AGO3: variants seen among roughly 807,000 people sequenced by gnomAD.
AGO3 encodes argonaute RISC catalytic component 3, also known as protein argonaute-3.
Under a neutral mutation model 105.5 loss-of-function variants are expected in AGO3, and 16 were observed. The ratio of observed to expected loss-of-function variants is 0.15; its 90% CI spans 0.10 to 0.23. The LOEUF is 0.23. AGO3 is among the 10% of genes least tolerant of loss of function. The probability of loss-of-function intolerance (pLI) is 1.00; values close to 1 mark genes in which losing one functional copy is unlikely to be tolerated. For synonymous variants in AGO3, 340 were observed against 367.3 expected, an observed-to-expected ratio of 0.93 and a Z score of 0.85; for missense variants, 534 against 1,088.0, an observed-to-expected ratio of 0.49 and a Z score of 7.16.
At chr1:36,052,735 A>G (rs979753966) in intron 17 of AGO3, among the ~76,000 whole-genome samples, 10 of 152,138 alleles carry the variant, frequency 6.6e-5, no homozygotes, top group Admixed American at 2.0e-4. Flanking sequence ...TAAAACCTAT[A>G]TATATCAGGC....
intron 2 of AGO3, among the ~76,000 whole-genome samples, chr1:35,966,091 C>T (rs182098147): frequency 1.5e-3 from 230 of 152,300 alleles, no homozygotes; most frequent in Non-Finnish European, 2.6e-3. Flanking sequence ...TCCCAAAGTG[C>T]TGGGATTACA....
At chr1:35,943,901 T>C (rs959156104) in intron 1 of AGO3, among the ~76,000 whole-genome samples, 2 of 152,270 alleles carry the variant, frequency 1.3e-5, no homozygotes, top group Admixed American at 1.3e-4. Flanking sequence ...ATGCCCGGCC[T>C]GTCTTATTTC....
rs1643023714 is a variant in AGO3, at chr1:36,061,264, T to G, written c.*5519T>G. 1 of 152,154 alleles carries G rather than the reference T, an allele frequency of 6.6e-6. No homozygotes were observed. Among genetic ancestry groups the G allele is most frequent in the South Asian group, 2.1e-4 (1 of 4,830 alleles). 9.4% of individuals were successfully genotyped at this position (152,154 alleles called of 1,614,324 possible). On this transcript the variant is annotated 3_prime_UTR_variant, in exon 19 of 19. Transcript: ENST00000373191. ...CAAAGGGAAAAATTATTTTGACTTT[T>G]TTCCTACTTTTAAAATGGTACATTT...
At chr1:35,995,889 G>T (rs1266322199) in intron 5 of AGO3, among the ~76,000 whole-genome samples, 2 of 152,130 alleles carry the variant, frequency 1.3e-5, no homozygotes, top group Non-Finnish European at 2.9e-5. Context: ...TGTTGGCCAG[G>T]CTGGTCTCGA....
rs1643150197 is a variant in AGO3, at chr1:36,070,651, TG to T, written c.*14909del. The T allele has an allele frequency of 6.6e-6, 1 of 152,216 alleles. No individual in the cohort carries two copies. The highest frequency in any genetic ancestry group is 2.1e-4 in the South Asian group (1 of 4,832). 9.4% of individuals were successfully genotyped at this position (152,216 alleles called of 1,614,324 possible). Reference sequence around the variant, plus strand: ...CCAACCTCCCCTTGTTGCAGGCAGTTGGGCTTTTCCAACTCATTGCTAACAA... The same window carrying T: ...CCAACCTCCCCTTGTTGCAGGCAGTTGGCTTTTCCAACTCATTGCTAACAA... On this transcript the variant is annotated 3_prime_UTR_variant, in exon 19 of 19. Coordinates refer to ENST00000373191, the MANE Select transcript of AGO3 (RefSeq NM_024852.4).
intron 5 of AGO3, among the ~76,000 whole-genome samples, chr1:35,979,509 A>G (rs1046974867): frequency 6.6e-6 from 1 of 152,206 alleles, no homozygotes. Flanking sequence ...TGAAATATCC[A>G]TCAGAGCTAC....
At chr1:35,969,422 G>T (rs1646828743) in intron 3 of AGO3, among the ~76,000 whole-genome samples, 1 of 152,086 alleles carries the variant, frequency 6.6e-6, no homozygotes, top group Non-Finnish European at 1.5e-5. Context: ...CTTGGCAATT[G>T]ATTATTCTTG....
intron 11 of AGO3, among the ~76,000 whole-genome samples, chr1:36,014,666 G>A (rs1343959371): frequency 1.3e-5 from 2 of 151,078 alleles, no homozygotes; most frequent in African/African-American, 4.9e-5. Context: ...AGTTACTCGG[G>A]AGGCTGAAGC....
At chr1:36,028,092 A>C (rs952926989) in intron 12 of AGO3, among the ~76,000 whole-genome samples, 2 of 152,092 alleles carry the variant, frequency 1.3e-5, no homozygotes, top group African/African-American at 4.8e-5. Context: ...TTCAGGCTGG[A>C]GTGCAGTGGT....
At chr1:35,995,125 C>G (rs369479583) in intron 5 of AGO3, among the ~76,000 whole-genome samples, 1 of 150,162 alleles carries the variant, frequency 6.7e-6, no homozygotes, top group African/African-American at 2.5e-5. Flanking sequence ...TGCTTGAACC[C>G]GGGAAGCAGA....
At chr1:36,028,637 G>T (rs1438046602) in intron 12 of AGO3, among the ~76,000 whole-genome samples, 1 of 151,644 alleles carries the variant, frequency 6.6e-6, no homozygotes, top group Admixed American at 6.6e-5. Flanking sequence ...TCTTAATCCA[G>T]TCTATCATTG....
intron 17 of AGO3, among the ~76,000 whole-genome samples, chr1:36,051,186 C>T (rs1468988650): frequency 3.3e-5 from 5 of 152,142 alleles, no homozygotes; most frequent in South Asian, 2.1e-4. Context: ...CCGCCTGCCT[C>T]GGCCTCCCAA....
intron 1 of AGO3, among the ~76,000 whole-genome samples, chr1:35,943,301 CTT>C (rs533801617): frequency 1.1e-4 from 14 of 124,356 alleles, no homozygotes; most frequent in East Asian, 2.3e-4. Context: ...CCATGCCCAT[CTT>C]TTTTTTTTTT....
At chr1:36,035,650 A>G (rs1162234147) in intron 13 of AGO3, among the ~76,000 whole-genome samples, 1 of 152,134 alleles carries the variant, frequency 6.6e-6, no homozygotes, top group Non-Finnish European at 1.5e-5. Context: ...TTTTGTGCCC[A>G]TGTTGGAGAA....
chr1:35,993,270 GAAAT>G lies in AGO3; in HGVS notation c.659-11068_659-11065del. On this transcript the variant is annotated intron_variant, in intron 5 of 18. Coordinates refer to ENST00000373191, the MANE Select transcript of AGO3 (RefSeq NM_024852.4). Reference sequence around the variant, plus strand: ...TAAATCCAAAGTAAGCAGAAAGTAAGAAATAATAAAGATTAGAGCAAAATTTAAT... The same window carrying G: ...TAAATCCAAAGTAAGCAGAAAGTAAGAATAAAGATTAGAGCAAAATTTAAT... 1.5e-5 allele frequency among the ~76,000 whole-genome samples: 2 copies of G among 129,218 alleles called. 1 individual carries two copies. The highest frequency in any genetic ancestry group is 7.0e-3 in the Middle Eastern group (2 of 286). 84.8% of individuals were successfully genotyped at this position (129,218 alleles called of 152,430 possible). A position where few individuals can be genotyped will look rare whatever the true frequency, so the allele number is the denominator to read the frequency against.
chr1:35,959,701 T>C (rs1285105380), intron 2 of AGO3, among the ~76,000 whole-genome samples: 2 of 152,120 alleles, frequency 1.3e-5, no homozygotes, highest in Non-Finnish European at 2.9e-5. Context: ...AATAAAAGAC[T>C]AGTGTCATAA....
chr1:35,965,803 G>A (rs564371448), intron 2 of AGO3, among the ~76,000 whole-genome samples: 3 of 150,888 alleles, frequency 2.0e-5, no homozygotes, highest in African/African-American at 7.3e-5. Context: ...ACTTAACTGA[G>A]GTAGACTTGA....
At chr1:36,005,345 C>G (rs552364984) in intron 6 of AGO3, among the ~76,000 whole-genome samples, 1 of 152,296 alleles carries the variant, frequency 6.6e-6, no homozygotes, top group South Asian at 2.1e-4. Flanking sequence ...ATACATTCTG[C>G]TTGCTCCAGT....
At chr1:36,016,065 C>T (rs1454755549) in intron 11 of AGO3, among the ~76,000 whole-genome samples, 2 of 152,180 alleles carry the variant, frequency 1.3e-5, no homozygotes, top group Admixed American at 1.3e-4. Context: ...TTGGTTACAG[C>T]TTGGCATTTG....
Sources: gnomAD v4.1 joint callset for allele counts (sites outside exome capture counted in the v4.1 genomes callset) on GRCh38, gnomAD v4.1.1 for gene constraint, MANE v1.5 for transcripts, NCBI Gene and HGNC (gene_info 2026-07-23, HGNC 2026-07-21) for gene names.